UGGT2: variants seen among roughly 807,000 people sequenced by gnomAD.
UGGT2 encodes UDP-glucose glycoprotein glucosyltransferase 2.
In UGGT2, 180 loss-of-function variants were observed where a neutral mutation model predicts 192.1. The ratio of observed to expected loss-of-function variants is 0.94; its 90% CI spans 0.83 to 1.06. UGGT2 has a LOEUF of 1.06. Ranked by LOEUF, UGGT2 falls within the 50% of genes least tolerant of loss-of-function variation. The pLI, the probability that UGGT2 is intolerant of heterozygous loss-of-function variation, is 0.00. For missense variants in UGGT2, 1,849 were observed against 1,795.7 expected, an observed-to-expected ratio of 1.03 and a Z score of -0.54; for synonymous variants, 580 against 591.0, an observed-to-expected ratio of 0.98 and a Z score of 0.27.
At chr13:96,029,616 C>T (rs1418163567) in intron 2 of UGGT2, among the ~76,000 whole-genome samples, 1 of 152,222 alleles carries the variant, frequency 6.6e-6, no homozygotes, top group East Asian at 1.9e-4. Flanking sequence ...AATTTAGGTT[C>T]AACCCTGAAA....
chr13:95,917,623 G>A (rs1259437559), intron 20 of UGGT2, among the ~76,000 whole-genome samples: 2 of 152,098 alleles, frequency 1.3e-5, no homozygotes, highest in East Asian at 3.8e-4. Flanking sequence ...ATGGCAAGCT[G>A]GATAAAGAGT....
At chr13:95,911,287 A>G (rs866805144) in intron 20 of UGGT2, among the ~76,000 whole-genome samples, 12 of 152,310 alleles carry the variant, frequency 7.9e-5, no homozygotes, top group Middle Eastern at 6.8e-3. Flanking sequence ...CAAAAAATCA[A>G]TGAATCCAGG....
chr13:95,874,257 G>C (rs1462708809), intron 29 of UGGT2, among the ~76,000 whole-genome samples: 1 of 152,142 alleles, frequency 6.6e-6, no homozygotes, highest in African/African-American at 2.4e-5. Flanking sequence ...AAGACATCCA[G>C]TGGATGTATG....
chr13:95,968,949 T>C (rs1294818091), intron 12 of UGGT2, among the ~76,000 whole-genome samples: 1 of 152,184 alleles, frequency 6.6e-6, no homozygotes, highest in Non-Finnish European at 1.5e-5. Context: ...GACTGGGTCC[T>C]GATAATTAAG....
rs75737935 is a variant in UGGT2 at position 95,975,385 on chromosome 13, A to C, written c.1093-2714T>G. On this transcript the variant is annotated intron_variant, in intron 10 of 38. Coordinates refer to ENST00000376747, the MANE Select transcript of UGGT2 (RefSeq NM_020121.4). The stretch of plus-strand genomic sequence containing the variant: ...AAATGCTCTGCAGTAACAGCATAGA[A>C]ATTTGTCTACCTCACCTTGGTTCTT... 9.2e-3 allele frequency among the ~76,000 whole-genome samples: 1,402 copies of C among 152,300 alleles called. 23 individuals carry two copies. Among genetic ancestry groups the C allele is most frequent in the African/African-American group, 0.032 (1,336 of 41,560 alleles).
intron 19 of UGGT2, 58 bp from the exon 20 acceptor site, chr13:95,925,832 G>T: frequency 8.1e-7 from 1 of 1,229,142 alleles, no homozygotes; most frequent in Non-Finnish European, 1.1e-6. Flanking sequence ...TAAAACAAAA[G>T]CAGGGGAACA....
chr13:95,886,077 A>G (rs1309312785), intron 26 of UGGT2, among the ~76,000 whole-genome samples: 1 of 152,184 alleles, frequency 6.6e-6, no homozygotes, highest in Non-Finnish European at 1.5e-5. Context: ...GTGATATAGC[A>G]AGGATCCAGA....
intron 12 of UGGT2, among the ~76,000 whole-genome samples, chr13:95,968,916 G>C (rs1342357353): frequency 6.6e-6 from 1 of 152,112 alleles, no homozygotes; most frequent in Non-Finnish European, 1.5e-5. Context: ...CCCAAGAAGG[G>C]TCTGTTTACA....
chr13:96,048,144 C>A (rs1205566308), intron 1 of UGGT2, among the ~76,000 whole-genome samples: 1 of 152,078 alleles, frequency 6.6e-6, no homozygotes, highest in Admixed American at 6.6e-5. Flanking sequence ...GTCTCTCAGA[C>A]AACAGCAATC....
chr13:95,833,958 T>A (rs1887002181), intron 37 of UGGT2, among the ~76,000 whole-genome samples: 1 of 152,212 alleles, frequency 6.6e-6, no homozygotes, highest in South Asian at 2.1e-4. Flanking sequence ...AGGGGAAAGC[T>A]ATTAGTCATG....
rs572050448 is a variant in UGGT2 at position 96,036,800 on chromosome 13, C to G, written c.159-4829G>C. Among the ~76,000 whole-genome samples the G allele has an allele frequency of 1.4e-3, 215 of 152,298 alleles. 1 individual carries two copies. Among genetic ancestry groups the G allele is most frequent in the Non-Finnish European group, 2.6e-3 (175 of 68,028 alleles). ...TTTAAGACAGCATCTCCCTTTGTCA[C>G]ACAGGCTGGAGTGCAGTGGTGCAAA... On this transcript the variant is annotated intron_variant, in intron 1 of 38. Coordinates refer to ENST00000376747, the MANE Select transcript of UGGT2 (RefSeq NM_020121.4).
chr13:95,940,443 T>TTTTTTC (rs2049632647), intron 15 of UGGT2, among the ~76,000 whole-genome samples: 1 of 150,818 alleles, frequency 6.6e-6, no homozygotes, highest in African/African-American at 2.4e-5. Context: ...TTTCTGTAAT[T>TTTTTTC]TTTTTCTTTT....
intron 30 of UGGT2, among the ~76,000 whole-genome samples, chr13:95,865,789 C>T (rs781515823): frequency 1.4e-4 from 22 of 152,130 alleles, no homozygotes; most frequent in Non-Finnish European, 3.1e-4. Context: ...GTTACTTGTA[C>T]CCCATTCTTT....
chr13:96,030,529 T>C (rs748710129), intron 2 of UGGT2, among the ~76,000 whole-genome samples: 3 of 152,240 alleles, frequency 2.0e-5, no homozygotes, highest in Non-Finnish European at 4.4e-5. Flanking sequence ...TAAAATCTAC[T>C]TTGTGAAATC....
At chr13:95,929,495 TTATGTC>T (rs1311695146) in intron 17 of UGGT2, among the ~76,000 whole-genome samples, 2 of 152,132 alleles carry the variant, frequency 1.3e-5, no homozygotes, top group Non-Finnish European at 2.9e-5. Flanking sequence ...GCTGCCATCT[TTATGTC>T]TATGAGTACC....
In UGGT2 at chr13:95,981,320, C is replaced by T. The variant is rs1226098036; in HGVS notation, c.1092+2484G>A. ...TCTACTAAAAATACAAAAAATTAGC[C>T]GGGCGTGGTGGCGCGCGCCTGTGGT... On this transcript the variant is annotated intron_variant, in intron 10 of 38. Coordinates refer to ENST00000376747, the MANE Select transcript of UGGT2 (RefSeq NM_020121.4). 2.1e-4 allele frequency among the ~76,000 whole-genome samples: 2 copies of T among 9,520 alleles called. 1 individual carries two copies. The highest frequency in any genetic ancestry group is 3.0e-4 in the African/African-American group (2 of 6,668). 6.2% of individuals were successfully genotyped at this position (9,520 alleles called of 152,430 possible).
At chr13:96,029,949 A>G (rs1331623811) in intron 2 of UGGT2, among the ~76,000 whole-genome samples, 2 of 152,188 alleles carry the variant, frequency 1.3e-5, no homozygotes, top group East Asian at 3.8e-4. Context: ...ACTATCTTGG[A>G]TACTTGACAT....
At chr13:95,839,475 C>A (rs926564144) in intron 36 of UGGT2, among the ~76,000 whole-genome samples, 3 of 152,180 alleles carry the variant, frequency 2.0e-5, no homozygotes, top group Non-Finnish European at 4.4e-5. Context: ...GTACTTCAAT[C>A]CTTTTTACAG....
chr13:95,815,018 C>T (rs1195590542), intron 38 of UGGT2, among the ~76,000 whole-genome samples: 1 of 152,128 alleles, frequency 6.6e-6, no homozygotes, highest in East Asian at 1.9e-4. Context: ...TTGACATACT[C>T]AAGTATCAAT....
Sources: gnomAD v4.1 joint callset for allele counts (sites outside exome capture counted in the v4.1 genomes callset) on GRCh38, gnomAD v4.1.1 for gene constraint, MANE v1.5 for transcripts, NCBI Gene and HGNC (gene_info 2026-07-23, HGNC 2026-07-21) for gene names.